PRR11: variants seen among roughly 807,000 people sequenced by gnomAD.
PRR11 encodes the protein proline-rich protein 11.
PRR11 carries 30 observed loss-of-function variants against 45.6 expected under a neutral mutation model. The ratio of observed to expected loss-of-function variants is 0.66; its 90% CI spans 0.49 to 0.89. The LOEUF is 0.89. PRR11 is among the 40% of genes least tolerant of loss of function. PRR11 has a pLI of 0.00. For synonymous variants in PRR11, 128 were observed against 153.5 expected (o/e 0.83, Z 1.23); for missense variants, 373 against 424.8 (o/e 0.88, Z 1.07).
intron 9 of PRR11, among the ~76,000 whole-genome samples, chr17:59,198,707 C>T (rs571457584): frequency 1.3e-5 from 2 of 151,162 alleles, no homozygotes; most frequent in South Asian, 2.1e-4. Context: ...TATGGTGACT[C>T]GTGCCTGTAA....
At chr17:59,199,115 A>AG (rs2147857083) in intron 9 of PRR11, among the ~76,000 whole-genome samples, 1 of 152,258 alleles carries the variant, frequency 6.6e-6, no homozygotes, top group East Asian at 1.9e-4. Flanking sequence ...GAAAGGAATG[A>AG]GGTTCTGTGG....
At chr17:59,174,470 A>G (rs2147840926) in intron 2 of PRR11, among the ~76,000 whole-genome samples, 1 of 152,224 alleles carries the variant, frequency 6.6e-6, no homozygotes, top group Middle Eastern at 3.4e-3. Flanking sequence ...AACCTCCCCG[A>G]ACTCAGTATT....
chr17:59,175,363 G>T (rs558977393), intron 2 of PRR11, among the ~76,000 whole-genome samples: 1 of 152,224 alleles, frequency 6.6e-6, no homozygotes, highest in East Asian at 1.9e-4. Flanking sequence ...GGTGGCTTAC[G>T]CCTGGAATCC....
At chr17:59,170,561 C>G (rs1437735192) in intron 2 of PRR11, among the ~76,000 whole-genome samples, 1 of 151,820 alleles carries the variant, frequency 6.6e-6, no homozygotes, top group Non-Finnish European at 1.5e-5. Context: ...TTGGGATTGG[C>G]CTTCTCTTCT....
In PRR11 at chr17:59,193,721, C is replaced by T. The variant is rs1159149871; in HGVS notation, c.632C>T (p.Ala211Val). The T allele has an allele frequency of 6.2e-7, 1 of 1,613,840 alleles. No homozygotes were observed. Among genetic ancestry groups the T allele is most frequent in the South Asian group, 1.1e-5 (1 of 91,076 alleles). The change falls in exon 5 of 10, where the codon GCT becomes GTT. Residue 211 changes from alanine (A) to valine (V), a missense_variant. By Grantham distance (64) the Ala-to-Val change is moderately conservative. Coordinates refer to ENST00000262293, the MANE Select transcript of PRR11 (RefSeq NM_018304.4). ...GTGTTGCTCAGAAAACCCAGTCTCG[C>T]TAAAGCACTTCAGGTAGGTAACAAT... is the stretch of plus-strand genomic sequence containing the variant. ...APVLLRKPSL[A>V]KALQAGPLKK... is the part of the protein sequence containing the mutation.
intron 2 of PRR11, among the ~76,000 whole-genome samples, chr17:59,181,231 G>A (rs1312919516): frequency 2.0e-5 from 3 of 150,458 alleles, no homozygotes; most frequent in Non-Finnish European, 4.4e-5. Flanking sequence ...CTCGTAATCC[G>A]CCCGCCTCGG....
At position 59,185,461 on chromosome 17, in the gene PRR11, AC is replaced by A. The variant is rs1223517820; in HGVS notation, c.303del (p.Ile102SerfsTer14). 1.9e-6 allele frequency: 3 copies of A among 1,599,458 alleles called. No individual in the cohort carries two copies. ...ITQSLEVLKD[T>X]IFPSRICHRE... ...TCAGAGTTTAGAAGTATTGAAAGAC[AC>A]CATCTTTCCATCTCGTATCTGCCAC... On this transcript the variant is annotated frameshift_variant, in exon 4 of 10. Coordinates refer to ENST00000262293, the MANE Select transcript of PRR11 (RefSeq NM_018304.4). LOFTEE classifies it high-confidence loss of function.
chr17:59,167,200 A>G (rs1474801141), intron 1 of PRR11, among the ~76,000 whole-genome samples: 3 of 152,152 alleles, frequency 2.0e-5, no homozygotes, highest in Non-Finnish European at 4.4e-5. Context: ...ATAATTATAC[A>G]TATTTGTGGG....
At chr17:59,191,220 C>CTTTTTTTT (rs60012514) in intron 4 of PRR11, among the ~76,000 whole-genome samples, 4 of 98,182 alleles carry the variant, frequency 4.1e-5, no homozygotes, top group Admixed American at 1.0e-4. Context: ...TTCTTTTTTT[C>CTTTTTTTT]TTTTTTTTTT....
Position 59,194,804 on chromosome 17 carries a change from TCTG to T in PRR11, c.697_699del (p.Leu233del). On this transcript the variant is annotated inframe_deletion, in exon 6 of 10. Transcript: ENST00000262293. The stretch of plus-strand genomic sequence containing the variant: ...GACCCATGCAGATAACAGTTAAAGA[TCTG>T]CTGACTGTAAAATTAAAGAAGACAC... 1 of 1,613,914 alleles carries T rather than the reference TCTG, an allele frequency of 6.2e-7. No homozygotes were observed. The highest frequency in any genetic ancestry group is 8.5e-7 in the Non-Finnish European group (1 of 1,179,888).
At chr17:59,165,213 G>T (rs2046673685) in intron 1 of PRR11, among the ~76,000 whole-genome samples, 1 of 151,588 alleles carries the variant, frequency 6.6e-6, no homozygotes, top group Non-Finnish European at 1.5e-5. Context: ...GTAGAGACGG[G>T]GTTTCACCAT....
intron 1 of PRR11, among the ~76,000 whole-genome samples, chr17:59,157,894 T>G (rs2147829755): frequency 6.6e-6 from 1 of 152,232 alleles, no homozygotes; most frequent in African/African-American, 2.4e-5. Context: ...AAGGAAAGGC[T>G]GATAGAAAGA....
chr17:59,167,752 G>T (rs1301649547), intron 1 of PRR11, among the ~76,000 whole-genome samples: 3 of 152,160 alleles, frequency 2.0e-5, no homozygotes, highest in African/African-American at 7.2e-5. Context: ...CTGTCTTGGT[G>T]CTGGTGGGAG....
chr17:59,163,990 G>C (rs537672081), intron 1 of PRR11, among the ~76,000 whole-genome samples: 3 of 152,068 alleles, frequency 2.0e-5, no homozygotes, highest in East Asian at 3.9e-4. Context: ...ACTTGAACTT[G>C]GGGGGTGGGC....
rs1374534440 is a variant in PRR11, at chr17:59,203,216, G to C, written c.*1585G>C. On this transcript the variant is annotated 3_prime_UTR_variant, in exon 10 of 10. Transcript: ENST00000262293. ...CATCTATATATAGAGATTTTTGTTT[G>C]TTTGTTTGTTTGTTTTGTTTTGTTT... Among the ~76,000 whole-genome samples the C allele has an allele frequency of 6.6e-6, 1 of 151,912 alleles. No homozygotes were observed. Among genetic ancestry groups the C allele is most frequent in the Non-Finnish European group, 1.5e-5 (1 of 67,948 alleles).
chr17:59,170,457 C>T (rs1279335829), intron 2 of PRR11, among the ~76,000 whole-genome samples: 1 of 151,872 alleles, frequency 6.6e-6, no homozygotes, highest in Non-Finnish European at 1.5e-5. Flanking sequence ...AGCTGGAGTG[C>T]AGTAGCATGA....
chr17:59,194,939 C>A (rs896410121), intron 6 of PRR11, 84 bp downstream of exon 6: 4 of 1,116,076 alleles, frequency 3.6e-6, no homozygotes, highest in Non-Finnish European at 5.2e-6. Flanking sequence ...TTTGGGAGAC[C>A]AAGGTGGGAG....
chr17:59,196,087 C>CAAAAAAAA (rs57940331), intron 7 of PRR11, among the ~76,000 whole-genome samples: 1 of 71,360 alleles, frequency 1.4e-5, no homozygotes, highest in Non-Finnish European at 2.8e-5. Flanking sequence ...GACTCCATCT[C>CAAAAAAAA]AAAAAAAAAA....
At chr17:59,180,511 T>C (rs909140475) in intron 2 of PRR11, among the ~76,000 whole-genome samples, 1 of 124,892 alleles carries the variant, frequency 8.0e-6, no homozygotes, top group Admixed American at 7.7e-5. Flanking sequence ...TTTTTTTTTG[T>C]TTTTTTTGTT....
Sources: gnomAD v4.1 joint callset for allele counts (sites outside exome capture counted in the v4.1 genomes callset) on GRCh38, gnomAD v4.1.1 for gene constraint, MANE v1.5 for transcripts, NCBI Gene and HGNC (gene_info 2026-07-23, HGNC 2026-07-21) for gene names.